Variants in INSR observed in about 807,000 individuals in gnomAD.
INSR encodes the protein insulin receptor.
INSR carries 67 observed loss-of-function variants against 142.6 expected under a neutral mutation model. The ratio of observed to expected loss-of-function variants is 0.47; its 90% CI spans 0.39 to 0.58. The LOEUF (loss-of-function observed/expected upper bound fraction) is 0.58. INSR is among the 20% of genes least tolerant of loss of function. The pLI is 0.00. For synonymous variants in INSR, 756 were observed against 743.1 expected (o/e 1.02, Z -0.28); for missense variants, 1,248 against 1,833.2 (o/e 0.68, Z 5.83).
At chr19:7,172,522 G>A in intron 4 of INSR, 88 bp from the exon 5 acceptor site, 1 of 1,417,696 alleles carries the variant, frequency 7.1e-7, no homozygotes, top group Non-Finnish European at 9.9e-7. Context: ...TAACCCTCAG[G>A]CTGCAAATGA....
chr19:7,255,245 A>G (rs1036764890), intron 2 of INSR, among the ~76,000 whole-genome samples: 3 of 152,056 alleles, frequency 2.0e-5, no homozygotes, highest in Non-Finnish European at 4.4e-5. Context: ...TTCCTCCCTG[A>G]CTCAGCAAGG....
At chr19:7,153,383 C>CCACACACACCAAACACACCATACGT (rs1973490380) in intron 9 of INSR, among the ~76,000 whole-genome samples, 1 of 34,358 alleles carries the variant, frequency 2.9e-5, no homozygotes, top group Non-Finnish European at 6.5e-5. Context: ...ACACCATACA[C>CCACACACACCAAACACACCATACGT]GCACCACACA....
At chr19:7,173,798 T>G (rs926778291) in intron 4 of INSR, among the ~76,000 whole-genome samples, 2 of 151,736 alleles carry the variant, frequency 1.3e-5, no homozygotes, top group African/African-American at 4.8e-5. Context: ...TTTTTTGTAT[T>G]TTTAGTAGAG....
At chr19:7,204,508 C>G (rs1975052577) in intron 2 of INSR, among the ~76,000 whole-genome samples, 1 of 152,148 alleles carries the variant, frequency 6.6e-6, no homozygotes, top group African/African-American at 2.4e-5. Flanking sequence ...ATGTGAAGTT[C>G]TCTGATTGGG....
At chr19:7,249,265 T>A (rs940849940) in intron 2 of INSR, among the ~76,000 whole-genome samples, 1 of 152,086 alleles carries the variant, frequency 6.6e-6, no homozygotes, top group Non-Finnish European at 1.5e-5. Context: ...GCCCATTCCA[T>A]CTTCTTTACC....
At chr19:7,275,029 G>A (rs567043231) in intron 1 of INSR, among the ~76,000 whole-genome samples, 4 of 151,318 alleles carry the variant, frequency 2.6e-5, no homozygotes, top group African/African-American at 9.7e-5. Flanking sequence ...AGGCTGGAAT[G>A]CAATGACATG....
At chr19:7,152,395 G>C (rs1385561686) in intron 10 of INSR, 1 of 334,476 alleles carries the variant, frequency 3.0e-6, no homozygotes, top group African/African-American at 2.3e-5. Context: ...AAAAAAAAAA[G>C]AGAGAGAGAG....
At chr19:7,282,954 C>A (rs1222770657) in intron 1 of INSR, among the ~76,000 whole-genome samples, 4 of 149,030 alleles carry the variant, frequency 2.7e-5, no homozygotes, top group Non-Finnish European at 4.4e-5. Flanking sequence ...GCCTGGGCGA[C>A]AGAGTGAGAC....
chr19:7,249,693 A>T (rs1250995244), intron 2 of INSR, among the ~76,000 whole-genome samples: 2 of 152,144 alleles, frequency 1.3e-5, no homozygotes, highest in East Asian at 3.9e-4. Context: ...ACAAAAAATA[A>T]ATTAAAAAAA....
intron 2 of INSR, among the ~76,000 whole-genome samples, chr19:7,228,943 A>G (rs1039590312): frequency 4.6e-5 from 7 of 151,332 alleles, no homozygotes; most frequent in African/African-American, 1.7e-4. Context: ...GAAGGGATGG[A>G]GGGACAGGTG....
At chr19:7,286,240 C>A (rs1968342302) in intron 1 of INSR, among the ~76,000 whole-genome samples, 1 of 152,132 alleles carries the variant, frequency 6.6e-6, no homozygotes, top group East Asian at 1.9e-4. Flanking sequence ...GCTTCGGCCT[C>A]CCAAAGTGCT....
intron 1 of INSR, among the ~76,000 whole-genome samples, chr19:7,272,371 G>C (rs1440688452): frequency 6.6e-6 from 1 of 151,960 alleles, no homozygotes; most frequent in African/African-American, 2.4e-5. Flanking sequence ...TAATCCCAGC[G>C]CTTTGGGAGG....
At chr19:7,249,636 C>T (rs986284548) in intron 2 of INSR, among the ~76,000 whole-genome samples, 4 of 151,926 alleles carry the variant, frequency 2.6e-5, no homozygotes, top group African/African-American at 9.7e-5. Context: ...CTGCTTGAGC[C>T]CTGGAGTTCA....
chr19:7,128,747 A>C, intron 15 of INSR, 105 bp downstream of exon 15: 1 of 777,194 alleles, frequency 1.3e-6, no homozygotes, highest in South Asian at 1.4e-5. Context: ...ATCCTATATC[A>C]GCAAAATTCA....
intron 2 of INSR, among the ~76,000 whole-genome samples, chr19:7,220,544 C>T (rs1385345552): frequency 6.6e-6 from 1 of 152,170 alleles, no homozygotes; most frequent in Non-Finnish European, 1.5e-5. Flanking sequence ...CCGCCTTGGC[C>T]TCCTAAAGTG....
intron 17 of INSR, 80 bp from the exon 18 acceptor site, chr19:7,123,069 A>T (rs1972534030): frequency 9.6e-7 from 1 of 1,036,760 alleles, no homozygotes; most frequent in Non-Finnish European, 1.5e-6. Flanking sequence ...CCTGGTGTCT[A>T]TGTCACACAC....
intron 2 of INSR, among the ~76,000 whole-genome samples, chr19:7,196,280 A>C (rs4804093): frequency 0.11 from 17,197 of 152,214 alleles, 1,109 homozygotes; most frequent in African/African-American, 0.17. Context: ...AGAATTAAGG[A>C]GTATGTATCA....
At chr19:7,275,786 CAAA>C (rs1440947204) in intron 1 of INSR, among the ~76,000 whole-genome samples, 2 of 103,460 alleles carry the variant, frequency 1.9e-5, no homozygotes. Context: ...GACTCCATCT[CAAA>C]AAAAAAAAAA....
At chr19:7,235,455 C>T (rs901518755) in intron 2 of INSR, among the ~76,000 whole-genome samples, 8 of 152,138 alleles carry the variant, frequency 5.3e-5, no homozygotes, top group Admixed American at 2.0e-4. Flanking sequence ...ATGTGTCTGG[C>T]GCTAGAGCTT....
Sources: gnomAD v4.1 joint callset for allele counts (sites outside exome capture counted in the v4.1 genomes callset) on GRCh38, gnomAD v4.1.1 for gene constraint, MANE v1.5 for transcripts, NCBI Gene and HGNC (gene_info 2026-07-23, HGNC 2026-07-21) for gene names.